Variants in LMO7 observed in about 807,000 individuals in gnomAD.
LMO7 encodes the protein LIM domain 7, also known as LIM domain only protein 7.
LMO7 carries 120 observed loss-of-function variants against 206.5 expected under a neutral mutation model. The observed-to-expected ratio is 0.58, with a 90% CI of 0.50 to 0.68. The LOEUF is 0.68. LMO7 is among the 30% of genes least tolerant of loss of function. The pLI is 0.00. For synonymous variants in LMO7, 706 were observed against 681.5 expected (o/e 1.04, Z -0.56); for missense variants, 1,959 against 1,957.9 (o/e 1.00, Z -0.01).
intron 1 of LMO7, among the ~76,000 whole-genome samples, chr13:75,707,574 C>T (rs2042752880): frequency 6.6e-6 from 1 of 151,950 alleles, no homozygotes; most frequent in Non-Finnish European, 1.5e-5. Context: ...TTCCTAGATC[C>T]TGCACCTAGG....
At chr13:75,683,848 A>G (rs1184045034) in intron 1 of LMO7, among the ~76,000 whole-genome samples, 2 of 152,314 alleles carry the variant, frequency 1.3e-5, no homozygotes, top group East Asian at 3.9e-4. Context: ...TCTGATTGGC[A>G]ATTTGTTGAT....
intron 3 of LMO7, among the ~76,000 whole-genome samples, chr13:75,757,640 A>G (rs1002677906): frequency 3.3e-5 from 5 of 152,140 alleles, no homozygotes; most frequent in Admixed American, 2.0e-4. Context: ...TGGAGACAAT[A>G]TGAAAATCTT....
intron 15 of LMO7, among the ~76,000 whole-genome samples, chr13:75,824,290 AACATGATAGGTGCTGGAGTCTAGGG>A (rs568799934): frequency 1.3e-3 from 202 of 152,312 alleles, no homozygotes; most frequent in South Asian, 2.9e-3. Flanking sequence ...CGCAAGGAAA[AACATGATAGGTGCTGGAGTCTAGGG>A]ACATGGCATT....
At chr13:75,702,337 A>G (rs575088599) in intron 1 of LMO7, among the ~76,000 whole-genome samples, 1 of 152,220 alleles carries the variant, frequency 6.6e-6, no homozygotes, top group Non-Finnish European at 1.5e-5. Context: ...CCACTCTGAG[A>G]TGAAAGTTGG....
In LMO7 at chr13:75,697,691, A is replaced by T. The variant is rs116373837; in HGVS notation, c.70-15491A>T. Among the ~76,000 whole-genome samples, 848 of 152,338 alleles carry T rather than the reference A, an allele frequency of 5.6e-3. 16 individuals are homozygous for T. The highest frequency in any genetic ancestry group is 0.019 in the African/African-American group (794 of 41,580). On this transcript the variant is annotated intron_variant, in intron 1 of 30. Coordinates refer to ENST00000377534, the MANE Select transcript of LMO7 (RefSeq NM_001306080.2). Reference sequence around the variant, plus strand: ...ATTGATCTTTTATATTTCTCAATATACCAGAAAGTATTTTAAGATACTATT... The same window carrying T: ...ATTGATCTTTTATATTTCTCAATATTCCAGAAAGTATTTTAAGATACTATT...
chr13:75,702,076 C>T (rs1312018969), intron 1 of LMO7, among the ~76,000 whole-genome samples: 2 of 151,776 alleles, frequency 1.3e-5, no homozygotes, highest in Non-Finnish European at 2.9e-5. Context: ...GGCTTCTTCT[C>T]GTGGACTAGA....
intron 3 of LMO7, among the ~76,000 whole-genome samples, chr13:75,735,711 G>A (rs1196902796): frequency 6.6e-6 from 1 of 151,410 alleles, no homozygotes; most frequent in Admixed American, 6.6e-5. Context: ...CCTGACCTTG[G>A]GATTTGCCCG....
intron 1 of LMO7, among the ~76,000 whole-genome samples, chr13:75,669,260 A>T (rs1227218235): frequency 6.6e-6 from 1 of 152,214 alleles, no homozygotes; most frequent in African/African-American, 2.4e-5. Flanking sequence ...TGTGTGTAAG[A>T]GAGATTTCTG....
In LMO7 at chr13:75,710,719, A is replaced by G. The variant is rs540293839; in HGVS notation, c.70-2463A>G. 1.5e-3 allele frequency among the ~76,000 whole-genome samples: 234 copies of G among 152,194 alleles called. 1 individual carries two copies. Among genetic ancestry groups the G allele is most frequent in the African/African-American group, 5.1e-3 (210 of 41,460 alleles). On this transcript the variant is annotated intron_variant, in intron 1 of 30. Transcript: ENST00000377534. Reference sequence around the variant, plus strand: ...TTGGGCTGAGATGATGGGGTTTTCTAGATATACAATCATGTCATCTGCAAA... The same window carrying G: ...TTGGGCTGAGATGATGGGGTTTTCTGGATATACAATCATGTCATCTGCAAA...
At chr13:75,730,916 A>G (rs1308212993) in intron 3 of LMO7, among the ~76,000 whole-genome samples, 1 of 148,382 alleles carries the variant, frequency 6.7e-6, no homozygotes, top group Non-Finnish European at 1.5e-5. Flanking sequence ...CAGGTTGTTC[A>G]GTTTCCATGT....
At chr13:75,691,870 C>T (rs560237819) in intron 1 of LMO7, among the ~76,000 whole-genome samples, 20 of 152,242 alleles carry the variant, frequency 1.3e-4, no homozygotes. Context: ...CCTAACCCTG[C>T]CATCCTGCTG....
At chr13:75,736,645 T>A (rs1326162535) in intron 3 of LMO7, among the ~76,000 whole-genome samples, 1 of 152,146 alleles carries the variant, frequency 6.6e-6, no homozygotes, top group African/African-American at 2.4e-5. Context: ...GCAAATAAAT[T>A]AGCAAACAAG....
At chr13:75,755,501 G>A (rs1467125787) in intron 3 of LMO7, among the ~76,000 whole-genome samples, 1 of 152,048 alleles carries the variant, frequency 6.6e-6, no homozygotes, top group East Asian at 1.9e-4. Context: ...GGTTGACTGT[G>A]AATCCTTCTT....
intron 10 of LMO7, among the ~76,000 whole-genome samples, chr13:75,808,420 T>C (rs2055842157): frequency 1.3e-5 from 2 of 152,220 alleles, no homozygotes; most frequent in Admixed American, 1.3e-4. Context: ...TAGGCCTGTT[T>C]AAGACTGTAT....
intron 2 of LMO7, among the ~76,000 whole-genome samples, chr13:75,722,868 C>G (rs912889645): frequency 6.6e-5 from 10 of 152,170 alleles, no homozygotes; most frequent in Non-Finnish European, 1.5e-4. Flanking sequence ...GCATTTGCAG[C>G]AACCTGGACA....
At chr13:75,634,342 G>A (rs1447854787), upstream of LMO7, among the ~76,000 whole-genome samples, 1 of 152,048 alleles carries the variant, frequency 6.6e-6, no homozygotes, top group African/African-American at 2.4e-5. Flanking sequence ...GGAGTCTGAG[G>A]CAAGAGGATC....
chr13:75,656,150 G>A (rs1212978816), intron 1 of LMO7, among the ~76,000 whole-genome samples: 1 of 152,194 alleles, frequency 6.6e-6, no homozygotes. Flanking sequence ...TGCGGGCAAA[G>A]CCTTACTGTG....
chr13:75,853,084 T>G lies in LMO7; in HGVS notation c.4365-8T>G. 1 of 1,579,824 alleles carries G rather than the reference T, an allele frequency of 6.3e-7. No homozygotes were observed. Among genetic ancestry groups the G allele is most frequent in the Non-Finnish European group, 8.6e-7 (1 of 1,160,844 alleles). On this transcript the variant is annotated splice_polypyrimidine_tract_variant and splice_region_variant and intron_variant, in intron 27 of 30. Transcript: ENST00000377534. ...ACATTATTTTGATGAGTCTTTTTTG[T>G]GTTTCAGAGGCGAATCTTTAGATAA...
In LMO7 at chr13:75,717,587, TA is replaced by T. The variant is rs548159213; in HGVS notation, c.140+4336del. On this transcript the variant is annotated intron_variant, in intron 2 of 30. Coordinates refer to ENST00000377534, the MANE Select transcript of LMO7 (RefSeq NM_001306080.2). ...TATACATATTCAATAGAAAAATATA[TA>T]TTTTTTTATTTTTACAAATACTACT... 7.7e-3 allele frequency among the ~76,000 whole-genome samples: 1,177 copies of T among 152,018 alleles called. 15 individuals are homozygous for T. Among genetic ancestry groups the T allele is most frequent in the African/African-American group, 0.026 (1,099 of 41,544 alleles).
Sources: gnomAD v4.1 joint callset for allele counts (sites outside exome capture counted in the v4.1 genomes callset) on GRCh38, gnomAD v4.1.1 for gene constraint, MANE v1.5 for transcripts, NCBI Gene and HGNC (gene_info 2026-07-23, HGNC 2026-07-21) for gene names.